GAP43: variants seen among roughly 807,000 people sequenced by gnomAD.
The protein encoded by GAP43 is growth associated protein 43.
A neutral mutation model predicts 18.6 loss-of-function variants in GAP43; 6 were observed. The observed-to-expected ratio is 0.32, with a 90% CI of 0.18 to 0.64. The LOEUF is 0.64. GAP43 is among the 30% of genes least tolerant of loss of function. GAP43 has a pLI of 0.78. For synonymous variants in GAP43, 115 were observed against 111.4 expected, an observed-to-expected ratio of 1.03 and a Z score of -0.20; for missense variants, 292 against 295.5, an observed-to-expected ratio of 0.99 and a Z score of 0.09.
At chr3:115,690,997 C>T (rs1456705753) in intron 2 of GAP43, among the ~76,000 whole-genome samples, 3 of 151,938 alleles carry the variant, frequency 2.0e-5, no homozygotes, top group African/African-American at 4.8e-5. Context: ...CCTCATGATC[C>T]ACCCGCCTCG....
intron 2 of GAP43, among the ~76,000 whole-genome samples, chr3:115,701,199 AATG>A (rs1160970796): frequency 6.6e-5 from 10 of 152,140 alleles, no homozygotes; most frequent in Non-Finnish European, 1.3e-4. Context: ...TTGGGAACAG[AATG>A]ATATGTTAAG....
intron 2 of GAP43, among the ~76,000 whole-genome samples, chr3:115,686,595 A>G (rs1709036358): frequency 6.6e-6 from 1 of 152,226 alleles, no homozygotes; most frequent in Non-Finnish European, 1.5e-5. Flanking sequence ...AACTTTAAAC[A>G]TGAGTTAAAA....
chr3:115,670,771 C>T (rs1006467248), intron 1 of GAP43, among the ~76,000 whole-genome samples: 1 of 152,170 alleles, frequency 6.6e-6, no homozygotes, highest in Admixed American at 6.5e-5. Context: ...GGTTCCTTTA[C>T]AGGCTGTAGA....
chr3:115,653,842 T>G (rs1447220642), intron 1 of GAP43, among the ~76,000 whole-genome samples: 1 of 152,236 alleles, frequency 6.6e-6, no homozygotes, highest in African/African-American at 2.4e-5. Context: ...GCCTTGTTCA[T>G]ATTTAATGAA....
chr3:115,655,258 AG>A (rs1255926679), intron 1 of GAP43, among the ~76,000 whole-genome samples: 11 of 152,352 alleles, frequency 7.2e-5, no homozygotes, highest in Middle Eastern at 3.4e-3. Context: ...GGCAGGGATC[AG>A]GGTTCCTGAA....
At chr3:115,631,660 A>C (rs750931688) in intron 1 of GAP43, among the ~76,000 whole-genome samples, 6 of 152,110 alleles carry the variant, frequency 3.9e-5, no homozygotes, top group Non-Finnish European at 8.8e-5. Flanking sequence ...TCTTGCTGCC[A>C]TCCAGACTGG....
At chr3:115,669,997 A>ATTTTT (rs200282076) in intron 1 of GAP43, among the ~76,000 whole-genome samples, 1 of 123,510 alleles carries the variant, frequency 8.1e-6, no homozygotes, top group Admixed American at 8.6e-5. Context: ...TTTTTTTTTA[A>ATTTTT]TTTTTTTTTT....
At chr3:115,625,178 T>C (rs1708170863) in intron 1 of GAP43, among the ~76,000 whole-genome samples, 1 of 150,228 alleles carries the variant, frequency 6.7e-6, no homozygotes, top group Non-Finnish European at 1.5e-5. Flanking sequence ...TGAAGCAGAA[T>C]GTCAGAGCAG....
intron 1 of GAP43, among the ~76,000 whole-genome samples, chr3:115,627,176 C>A (rs1387557007): frequency 1.4e-5 from 2 of 138,536 alleles, no homozygotes; most frequent in Non-Finnish European, 3.0e-5. Context: ...TTGCAGAGAA[C>A]CTTAGAAAAT....
chr3:115,664,426 A>G (rs1015985858), intron 1 of GAP43, among the ~76,000 whole-genome samples: 1 of 152,160 alleles, frequency 6.6e-6, no homozygotes, highest in Non-Finnish European at 1.5e-5. Context: ...GTCTTCTTCC[A>G]GGCATTTTAC....
chr3:115,692,497 A>G lies in GAP43; in HGVS notation c.628+15887A>G, dbSNP rs150054013. On this transcript the variant is annotated intron_variant, in intron 2 of 2. Coordinates refer to ENST00000305124, the MANE Select transcript of GAP43 (RefSeq NM_002045.4). ...GAAACAAAAAAGACTCAGTACCAGTATAGAACAAAATAAGTCTGTGACTGC... is the reference window on the plus strand; with the variant it reads ...GAAACAAAAAAGACTCAGTACCAGTGTAGAACAAAATAAGTCTGTGACTGC... 6.6e-5 allele frequency among the ~76,000 whole-genome samples: 10 copies of G among 152,364 alleles called. 1 individual carries two copies. The highest frequency in any genetic ancestry group is 1.3e-4 in the Non-Finnish European group (9 of 68,034).
intron 1 of GAP43, among the ~76,000 whole-genome samples, chr3:115,654,168 A>T (rs1272636614): frequency 1.3e-5 from 2 of 151,588 alleles, no homozygotes; most frequent in African/African-American, 4.9e-5. Flanking sequence ...TTTCACTTTA[A>T]TTTATCAGTT....
chr3:115,688,435 C>A (rs1272171381), intron 2 of GAP43, among the ~76,000 whole-genome samples: 1 of 151,688 alleles, frequency 6.6e-6, no homozygotes, highest in Non-Finnish European at 1.5e-5. Context: ...ATAATGCATT[C>A]CTTCTGATGG....
intron 1 of GAP43, among the ~76,000 whole-genome samples, chr3:115,662,007 G>A (rs1207593684): frequency 6.6e-6 from 1 of 151,668 alleles, no homozygotes; most frequent in African/African-American, 2.4e-5. Context: ...GGGTCGGGGG[G>A]AAGGGGAAGG....
chr3:115,658,273 G>A (rs1356848658), intron 1 of GAP43, among the ~76,000 whole-genome samples: 1 of 152,024 alleles, frequency 6.6e-6, no homozygotes, highest in Non-Finnish European at 1.5e-5. Flanking sequence ...AAGTAGGGCT[G>A]GTTCTGGCTT....
intron 2 of GAP43, among the ~76,000 whole-genome samples, chr3:115,706,263 CT>C (rs1213011232): frequency 3.3e-5 from 5 of 152,228 alleles, no homozygotes; most frequent in Admixed American, 3.3e-4. Context: ...TCTTAGGGTC[CT>C]TTTCAAGTAT....
chr3:115,687,969 T>A (rs907432439), intron 2 of GAP43, among the ~76,000 whole-genome samples: 1 of 151,984 alleles, frequency 6.6e-6, no homozygotes, highest in African/African-American at 2.4e-5. Context: ...AAATGGAATT[T>A]GAGTGACTCA....
At chr3:115,698,148 T>TATATTA (rs1559804310) in intron 2 of GAP43, among the ~76,000 whole-genome samples, 36 of 6,168 alleles carry the variant, frequency 5.8e-3, no homozygotes, top group Non-Finnish European at 0.011. Context: ...ATAATATATA[T>TATATTA]TATATATAAT....
chr3:115,650,326 G>A (rs1708506363), intron 1 of GAP43, among the ~76,000 whole-genome samples: 1 of 152,128 alleles, frequency 6.6e-6, no homozygotes, highest in Admixed American at 6.5e-5. Context: ...ATATCAGCGA[G>A]GGCATTATAG....
Sources: gnomAD v4.1 joint callset for allele counts (sites outside exome capture counted in the v4.1 genomes callset) on GRCh38, gnomAD v4.1.1 for gene constraint, MANE v1.5 for transcripts, NCBI Gene and HGNC (gene_info 2026-07-23, HGNC 2026-07-21) for gene names.